The following GRAMD1B variants were observed in gnomAD, a reference collection of about 807,000 sequenced individuals.
GRAMD1B encodes protein Aster-B.
A neutral mutation model predicts 99.7 loss-of-function variants in GRAMD1B; 37 were observed. The ratio of observed to expected loss-of-function variants is 0.37; its 90% CI spans 0.29 to 0.49. The LOEUF (loss-of-function observed/expected upper bound fraction) is 0.49. Ranked by LOEUF, GRAMD1B falls within the 20% of genes least tolerant of loss-of-function variation. The probability of loss-of-function intolerance (pLI) is 0.98; values close to 1 mark genes in which losing one functional copy is unlikely to be tolerated. For missense variants in GRAMD1B, 888 were observed against 1,009.2 expected, an observed-to-expected ratio of 0.88 and a Z score of 1.63; for synonymous variants, 427 against 387.6, an observed-to-expected ratio of 1.10 and a Z score of -1.19.
intron 2 of GRAMD1B, among the ~76,000 whole-genome samples, chr11:123,574,581 G>A (rs1948511142): frequency 6.6e-6 from 1 of 152,184 alleles, no homozygotes. Flanking sequence ...TTTTAGTGGA[G>A]TGAGATGGAA....
chr11:123,519,577 C>G (rs932486854), intron 2 of GRAMD1B, among the ~76,000 whole-genome samples: 1 of 152,206 alleles, frequency 6.6e-6, no homozygotes, highest in Admixed American at 6.5e-5. Context: ...AGCTTTGATT[C>G]CCCAACGTGT....
At chr11:123,448,266 T>A (rs1949728727) in intron 1 of GRAMD1B, among the ~76,000 whole-genome samples, 1 of 152,126 alleles carries the variant, frequency 6.6e-6, no homozygotes, top group Admixed American at 6.5e-5. Flanking sequence ...TTTTATTATT[T>A]TTTTTTGAGG....
intron 1 of GRAMD1B, among the ~76,000 whole-genome samples, chr11:123,389,632 A>G (rs1947202544): frequency 6.6e-6 from 1 of 152,190 alleles, no homozygotes; most frequent in African/African-American, 2.4e-5. Context: ...ATGTATTAAT[A>G]TTGATTGTTG....
At chr11:123,598,693 C>T (rs2033048748) in intron 7 of GRAMD1B, 6 of 1,005,322 alleles carry the variant, frequency 6.0e-6, no homozygotes, top group South Asian at 5.1e-5. Context: ...GAGGCCAACT[C>T]CTCCCAGGAG....
rs2137198993 is a variant in GRAMD1B at position 123,625,733 on chromosome 11, T to C, written c.*3138T>C. On this transcript the variant is annotated 3_prime_UTR_variant, in exon 20 of 20. Coordinates refer to ENST00000635736, the MANE Select transcript of GRAMD1B (RefSeq NM_001387025.1). The stretch of plus-strand genomic sequence containing the variant: ...GATCATCTTTAAGGTAGGTTCTAGC[T>C]TTGACATCATCTTGGGGGTTAGGCC... 1 of 152,348 alleles carries C rather than the reference T, an allele frequency of 6.6e-6. No individual in the cohort carries two copies. Among genetic ancestry groups the C allele is most frequent in the East Asian group, 1.9e-4 (1 of 5,182 alleles). 9.4% of individuals were successfully genotyped at this position (152,348 alleles called of 1,614,324 possible). A position where few individuals can be genotyped will look rare whatever the true frequency, so the allele number is the denominator to read the frequency against.
intron 1 of GRAMD1B, among the ~76,000 whole-genome samples, chr11:123,442,805 C>T (rs74859128): frequency 0.17 from 25,120 of 152,018 alleles, 2,701 homozygotes; most frequent in Non-Finnish European, 0.23. Flanking sequence ...AATGGCTACT[C>T]TTTTTCTGGT....
rs763679481 is a variant in GRAMD1B at position 123,430,750 on chromosome 11, C to T, written c.-43C>T. On this transcript the variant is annotated 5_prime_UTR_variant, in exon 1 of 20. Transcript: ENST00000635736. ...AGCCAGAGGGAGACGCGAACCAGGC[C>T]GCTGGCGGAGGGCTCAGGGGGAGCG... 20 of 616,568 alleles carry T rather than the reference C, an allele frequency of 3.2e-5. No individual in the cohort carries two copies. In the South Asian group the frequency reaches 3.6e-4, roughly 11 times the overall value. 38.2% of individuals were successfully genotyped at this position (616,568 alleles called of 1,614,324 possible). A position where few individuals can be genotyped will look rare whatever the true frequency, so the allele number is the denominator to read the frequency against.
In GRAMD1B at chr11:123,577,631, A is replaced by T. The variant is rs1326019455; in HGVS notation, c.663+54A>T. 2.2e-6 allele frequency: 3 copies of T among 1,347,506 alleles called. No homozygotes were observed. In the Admixed American group the frequency reaches 5.9e-5, roughly 27 times the overall value. The allele number at this position is 1,347,506 out of a possible 1,614,324, so 83.5% of individuals were successfully genotyped here. On this transcript the variant is annotated intron_variant, in intron 3 of 19. Transcript: ENST00000635736. The stretch of plus-strand genomic sequence containing the variant: ...TCCTTGTCAGGGGCTGCGGGGAGCG[A>T]TATTGGGGTGGTGAGCCGGAGAACA...
At chr11:123,466,372 GA>G (rs35094476) in intron 1 of GRAMD1B, among the ~76,000 whole-genome samples, 12 of 78,820 alleles carry the variant, frequency 1.5e-4, no homozygotes, top group African/African-American at 5.3e-4. Flanking sequence ...GAAGGAAAAA[GA>G]AAGAGAGAGA....
At chr11:123,592,401 C>T in intron 4 of GRAMD1B, among the ~76,000 whole-genome samples, 1 of 152,180 alleles carries the variant, frequency 6.6e-6, no homozygotes, top group Non-Finnish European at 1.5e-5. Flanking sequence ...CTCTGTTTCT[C>T]AATTTCCTCA....
At chr11:123,532,775 A>G (rs1283277869) in intron 2 of GRAMD1B, among the ~76,000 whole-genome samples, 1 of 152,216 alleles carries the variant, frequency 6.6e-6, no homozygotes, top group African/African-American at 2.4e-5. Context: ...ATGAAATTCC[A>G]TACGTTTTAT....
chr11:123,463,392 A>G (rs1950527437), intron 1 of GRAMD1B, among the ~76,000 whole-genome samples: 1 of 152,260 alleles, frequency 6.6e-6, no homozygotes, highest in Non-Finnish European at 1.5e-5. Context: ...TTGGAAGCAT[A>G]TACATGGGAG....
rs562457615 is a variant in GRAMD1B, at chr11:123,380,935, G to A, written c.-176+22136G>A. On this transcript the variant is annotated intron_variant, in intron 1 of 20. Coordinates refer to the GRAMD1B transcript ENST00000638157. Reference sequence around the variant, plus strand: ...GAGCTCCCACTCCCTTCTTCTCTACGTACCTTCCTTGGAGCTAATTCACAC... The same window carrying A: ...GAGCTCCCACTCCCTTCTTCTCTACATACCTTCCTTGGAGCTAATTCACAC... Among the ~76,000 whole-genome samples, 122 of 152,034 alleles carry A rather than the reference G, an allele frequency of 8.0e-4. 1 individual carries two copies. The highest frequency in any genetic ancestry group is 2.7e-3 in the African/African-American group (113 of 41,458).
At chr11:123,560,679 GGTGCGT>G (rs1274145170) in intron 2 of GRAMD1B, 25 of 435,864 alleles carry the variant, frequency 5.7e-5, no homozygotes, top group African/African-American at 4.4e-4. Context: ...GCTGACGCCT[GGTGCGT>G]GTGTGTGTGT....
chr11:123,599,124 A>G, intron 7 of GRAMD1B: 1 of 833,726 alleles, frequency 1.2e-6, no homozygotes, highest in Middle Eastern at 2.8e-4. Flanking sequence ...GAGCTCCTCA[A>G]ATTCCACTGA....
chr11:123,429,234 C>T (rs1050292938), upstream of GRAMD1B, among the ~76,000 whole-genome samples: 4 of 152,068 alleles, frequency 2.6e-5, no homozygotes, highest in Non-Finnish European at 4.4e-5. The surrounding 1 kb of genome is among the most constrained non-coding windows in gnomAD (Gnocchi z 4.0). Context: ...ACCCAAGAGA[C>T]AAATGCATTG....
chr11:123,608,814 TG>T lies in GRAMD1B; in HGVS notation c.1657+15del. ...GCGGCGCTTCTCTGGTCCGTTCTGC[TG>T]GGACTGTACCCCCCATTCCTCCCTC... On this transcript the variant is annotated intron_variant, in intron 12 of 19. Coordinates refer to ENST00000635736, the MANE Select transcript of GRAMD1B (RefSeq NM_001387025.1). The T allele has an allele frequency of 1.3e-6, 2 of 1,508,422 alleles. No individual in the cohort carries two copies. The highest frequency in any genetic ancestry group is 1.8e-6 in the Non-Finnish European group (2 of 1,111,734). The allele number at this position is 1,508,422 out of a possible 1,614,324, so 93.4% of individuals were successfully genotyped here.
intron 2 of GRAMD1B, among the ~76,000 whole-genome samples, chr11:123,574,158 C>T (rs114337078): frequency 0.013 from 2,015 of 150,742 alleles, 50 homozygotes; most frequent in African/African-American, 0.047. Context: ...TCAAGTAGTG[C>T]GTCGTATGGG....
intron 1 of GRAMD1B, among the ~76,000 whole-genome samples, chr11:123,472,522 A>G (rs1474692956): frequency 4.6e-5 from 7 of 152,214 alleles, no homozygotes; most frequent in African/African-American, 1.7e-4. Context: ...ACAGACACAC[A>G]TGAGGAGTGA....
Sources: gnomAD v4.1 joint callset for allele counts (sites outside exome capture counted in the v4.1 genomes callset) on GRCh38, gnomAD v4.1.1 for gene constraint, Gnocchi (gnomAD v3.1) non-coding constraint, MANE v1.5 for transcripts, NCBI Gene and HGNC (gene_info 2026-07-23, HGNC 2026-07-21) for gene names.